The following CENPO variants were observed in gnomAD, a reference collection of about 807,000 sequenced individuals.
CENPO encodes centromere protein O.
CENPO carries 30 observed loss-of-function variants against 36.1 expected under a neutral mutation model. The observed-to-expected ratio is 0.83, with a 90% CI of 0.62 to 1.13. The LOEUF is 1.13. CENPO is among the 50% of genes most tolerant of loss of function. The pLI, the probability that CENPO is intolerant of heterozygous loss-of-function variation, is 0.00. For synonymous variants in CENPO, 171 were observed against 142.3 expected (o/e 1.20, Z -1.44); for missense variants, 349 against 357.8 (o/e 0.98, Z 0.20).
At position 24,820,231 on chromosome 2, in the gene CENPO, G is replaced by A. The variant is rs1179891568; in HGVS notation, c.*913G>A. On this transcript the variant is annotated 3_prime_UTR_variant, in exon 8 of 8. Transcript: ENST00000380834. ...GATCCATGGGTCCCAAGCAGTACGG[G>A]ACACTCCCCAAACCTCCCAGGGCCA... 3 of 1,213,966 alleles carry A rather than the reference G, an allele frequency of 2.5e-6. No individual in the cohort carries two copies. Among genetic ancestry groups the A allele is most frequent in the Non-Finnish European group, 3.3e-6 (3 of 904,710 alleles). The allele number at this position is 1,213,966 out of a possible 1,614,324, so 75.2% of individuals were successfully genotyped here.
Position 24,821,746 on chromosome 2 carries a change from T to C in CENPO, c.*2428T>C, listed in dbSNP as rs1337715147. 2.7e-6 allele frequency: 4 copies of C among 1,477,174 alleles called. No homozygotes were observed. Among genetic ancestry groups the C allele is most frequent in the African/African-American group, 1.4e-5 (1 of 71,380 alleles). 91.5% of individuals were successfully genotyped at this position (1,477,174 alleles called of 1,614,324 possible). On this transcript the variant is annotated 3_prime_UTR_variant, in exon 8 of 8. Coordinates refer to ENST00000380834, the MANE Select transcript of CENPO (RefSeq NM_001322101.2). The stretch of plus-strand genomic sequence containing the variant: ...TGGGGGTGGATTCCCTACACCTAGA[T>C]GTTCAAGGCCTTACTTTTCCTCCCA...
intron 3 of CENPO, among the ~76,000 whole-genome samples, chr2:24,812,287 T>C (rs1032429760): frequency 6.6e-6 from 1 of 152,208 alleles, no homozygotes; most frequent in Non-Finnish European, 1.5e-5. Context: ...TTGGCCTTAT[T>C]AGTCAGGTGT....
chr2:24,816,551 G>T, intron 5 of CENPO, 95 bp from the exon 6 acceptor site: 1 of 782,910 alleles, frequency 1.3e-6, no homozygotes, highest in Non-Finnish European at 2.0e-6. Flanking sequence ...GTAATCGATG[G>T]GCCTCTTTTT....
chr2:24,821,868 G>A lies in CENPO; in HGVS notation c.*2550G>A, dbSNP rs1383250432. On this transcript the variant is annotated 3_prime_UTR_variant, in exon 8 of 8. Transcript: ENST00000380834. ...ACTGGGCAATTGAGCAGAGGAGACG[G>A]ACCTGTGAGTCTGACCACGAGGCGG... 7 of 541,358 alleles carry A rather than the reference G, an allele frequency of 1.3e-5. No homozygotes were observed. The highest frequency in any genetic ancestry group is 3.5e-5 in the East Asian group (1 of 28,802). 33.5% of individuals were successfully genotyped at this position (541,358 alleles called of 1,614,324 possible).
intron 3 of CENPO, among the ~76,000 whole-genome samples, chr2:24,812,430 G>A (rs1344138584): frequency 1.3e-5 from 2 of 151,846 alleles, no homozygotes; most frequent in African/African-American, 4.8e-5. Flanking sequence ...TGCTTGTAAA[G>A]CTTCTTTAAT....
chr2:24,794,301 T>G (rs1665780697), intron 2 of CENPO, among the ~76,000 whole-genome samples: 1 of 152,186 alleles, frequency 6.6e-6, no homozygotes. Context: ...GGAGGGCCAG[T>G]GTAGGGCAGT....
At chr2:24,797,657 T>A (rs1665968302) in intron 2 of CENPO, among the ~76,000 whole-genome samples, 1 of 152,186 alleles carries the variant, frequency 6.6e-6, no homozygotes, top group Admixed American at 6.5e-5. Flanking sequence ...GTGCCTGAAA[T>A]AGTACTTGGC....
chr2:24,815,914 C>T (rs573915773), intron 5 of CENPO, 158 bp downstream of exon 5: 5 of 702,018 alleles, frequency 7.1e-6, no homozygotes, highest in African/African-American at 3.6e-5. Context: ...CACTATCCCA[C>T]CCTCTTTTCT....
At chr2:24,804,401 C>G (rs1232042434) in intron 3 of CENPO, among the ~76,000 whole-genome samples, 1 of 152,138 alleles carries the variant, frequency 6.6e-6, no homozygotes, top group African/African-American at 2.4e-5. Flanking sequence ...CCCATTAATT[C>G]ATGCAGTTTC....
rs1225999126 is a variant in CENPO at position 24,820,960 on chromosome 2, T to TTGTCC, written c.*1644_*1648dup. On this transcript the variant is annotated 3_prime_UTR_variant, in exon 8 of 8. Transcript: ENST00000380834. ...ACAAAGCTCCTAATGTAACACATCA[T>TTGTCC]TGTCCTCATTCAACTTGGCTGTATG... The TTGTCC allele has an allele frequency of 6.9e-7, 1 of 1,446,754 alleles. No individual in the cohort carries two copies. Among genetic ancestry groups the TTGTCC allele is most frequent in the Non-Finnish European group, 9.4e-7 (1 of 1,064,194 alleles). 89.6% of individuals were successfully genotyped at this position (1,446,754 alleles called of 1,614,324 possible).
At chr2:24,818,991 GAAGAAAGTTT>G (rs1423435406) in intron 7 of CENPO, among the ~76,000 whole-genome samples, 1 of 152,220 alleles carries the variant, frequency 6.6e-6, no homozygotes, top group Non-Finnish European at 1.5e-5. Context: ...GTACCCTTTA[GAAGAAAGTTT>G]AAGAATAAAA....
At chr2:24,812,755 G>C (rs1159037497) in intron 3 of CENPO, among the ~76,000 whole-genome samples, 1 of 152,004 alleles carries the variant, frequency 6.6e-6, no homozygotes, top group Non-Finnish European at 1.5e-5. Context: ...ATAGATTCCA[G>C]CTCTTTGGTC....
chr2:24,808,070 T>C (rs985707707), intron 3 of CENPO, among the ~76,000 whole-genome samples: 3 of 152,220 alleles, frequency 2.0e-5, no homozygotes, highest in African/African-American at 7.2e-5. Context: ...GTATTTTCAC[T>C]CTCTAATGGT....
At chr2:24,813,606 G>C (rs1666804139) in intron 3 of CENPO, among the ~76,000 whole-genome samples, 1 of 152,178 alleles carries the variant, frequency 6.6e-6, no homozygotes, top group African/African-American at 2.4e-5. Flanking sequence ...GCAAATGCCG[G>C]GAGGGAAGAT....
chr2:24,799,832 C>T lies in CENPO; in HGVS notation c.204C>T (p.His68=), dbSNP rs758459079. ...LRDELRAVVR[H]RRASVKACIA... is the part of the protein sequence containing the mutation. ...ATGAGCTGAGGGCTGTGGTGCGGCA[C>T]CGGCGAGCCAGCGTGAGTAGAAGGG... Residue 68 remains histidine (H), a synonymous_variant, in exon 3 of 8, where the codon CAC becomes CAT. Coordinates refer to ENST00000380834, the MANE Select transcript of CENPO (RefSeq NM_001322101.2). 25 of 1,612,996 alleles carry T rather than the reference C, an allele frequency of 1.5e-5. No individual in the cohort carries two copies. The highest frequency in any genetic ancestry group is 1.9e-4 in the Middle Eastern group (1 of 5,328).
At chr2:24,799,513 G>C (rs1666065996) in intron 2 of CENPO, among the ~76,000 whole-genome samples, 162 bp from the exon 3 acceptor site, 1 of 151,716 alleles carries the variant, frequency 6.6e-6, no homozygotes, top group African/African-American at 2.4e-5. Flanking sequence ...TCAATTGTTA[G>C]CTCCCCTGGT....
intron 3 of CENPO, among the ~76,000 whole-genome samples, chr2:24,807,382 A>G (rs984838879): frequency 1.3e-5 from 2 of 152,226 alleles, no homozygotes; most frequent in Non-Finnish European, 2.9e-5. Context: ...GCTAATTTAT[A>G]GCTTAAAAAG....
Position 24,820,852 on chromosome 2 carries a change from G to A in CENPO, c.*1534G>A, listed in dbSNP as rs750286726. 2.5e-6 allele frequency: 4 copies of A among 1,613,748 alleles called. No individual in the cohort carries two copies. In the Admixed American group the frequency reaches 5.0e-5, roughly 20 times the overall value. On this transcript the variant is annotated 3_prime_UTR_variant, in exon 8 of 8. Coordinates refer to ENST00000380834, the MANE Select transcript of CENPO (RefSeq NM_001322101.2). ...AGAACCCCGCCTTTGTTCATGCCTA[G>A]GGTAGAGGCATAAAGTTCAGCACAG...
intron 1 of CENPO, 102 bp from the exon 2 acceptor site, chr2:24,793,750 T>A (rs1265516857): frequency 4.9e-6 from 5 of 1,019,524 alleles, no homozygotes; most frequent in Non-Finnish European, 7.5e-6. Context: ...GACATTTGTG[T>A]CATCCGCGGC....
Sources: gnomAD v4.1 joint callset for allele counts (sites outside exome capture counted in the v4.1 genomes callset) on GRCh38, gnomAD v4.1.1 for gene constraint, MANE v1.5 for transcripts, NCBI Gene and HGNC (gene_info 2026-07-23, HGNC 2026-07-21) for gene names.